Variants in PTPN23 observed in about 807,000 individuals in gnomAD.
The protein encoded by PTPN23 is tyrosine-protein phosphatase non-receptor type 23.
PTPN23 carries 72 observed loss-of-function variants against 156.3 expected under a neutral mutation model. The ratio of observed to expected loss-of-function variants is 0.46; its 90% CI spans 0.38 to 0.56. The LOEUF is 0.56. PTPN23 is among the 20% of genes least tolerant of loss of function. The pLI is 0.00. For missense variants in PTPN23, 1,974 were observed against 2,171.5 expected (o/e 0.91, Z 1.81); for synonymous variants, 957 against 899.6 (o/e 1.06, Z -1.14).
In PTPN23 at chr3:47,410,189, G is replaced by C. The variant is rs781484458; in HGVS notation, c.2391G>C (p.Ser797=). The change falls in exon 20 of 25, where the codon TCG becomes TCC. Residue 797 remains serine (S), a synonymous_variant. Transcript: ENST00000265562. ...GCCCCTTGCCCCCTGGTACCTACTCGGGCCCCACCCAGCTGATACAGCCCA... is the reference window on the plus strand; with the variant it reads ...GCCCCTTGCCCCCTGGTACCTACTCCGGCCCCACCCAGCTGATACAGCCCA... ...LSGPLPPGTY[S]GPTQLIQPRA... 6.2e-7 allele frequency: 1 copy of C among 1,603,704 alleles called. No individual in the cohort carries two copies. The highest frequency in any genetic ancestry group is 1.3e-5 in the African/African-American group (1 of 74,590).
rs1415479942 is a variant in PTPN23, at chr3:47,410,004, G to A, written c.2206G>A (p.Val736Met). The A allele has an allele frequency of 1.2e-6, 2 of 1,605,886 alleles. No individual in the cohort carries two copies. The highest frequency in any genetic ancestry group is 2.2e-5 in the East Asian group (1 of 44,772). ...LLPRREESEA[V>M]EAGDPPEELR... ...GCCCCGCAGGGAGGAGAGTGAGGCA[G>A]TGGAAGCAGGAGACCCCCCTGAGGA... Residue 736 changes from valine (V) to methionine (M), a missense_variant, in exon 20 of 25, where the codon GTG becomes ATG. Val to Met is a conservative substitution (Grantham distance 21). This residue lies in a region of PTPN23 where 731 missense variants were observed against 669.1 expected (regional missense o/e 1.09). Coordinates refer to ENST00000265562, the MANE Select transcript of PTPN23 (RefSeq NM_015466.4).
chr3:47,390,441 G>A (rs1339329127), intron 1 of PTPN23, among the ~76,000 whole-genome samples: 1 of 152,136 alleles, frequency 6.6e-6, no homozygotes, highest in Admixed American at 6.5e-5. Flanking sequence ...GTTTTTGGAG[G>A]TTCTCTGGTC....
In PTPN23 at chr3:47,404,896, C is replaced by A. The variant is rs569567334; in HGVS notation, c.288-109C>A. 69 of 1,569,130 alleles carry A rather than the reference C, an allele frequency of 4.4e-5. No individual in the cohort carries two copies. In the African/African-American group the frequency reaches 7.9e-4, roughly 18 times the overall value. ...AGGATGGGGAATGGCCTCATATGGT[C>A]CCCCCAGGCCTCCCCACATCCCCAC... is the stretch of plus-strand genomic sequence containing the variant. On this transcript the variant is annotated intron_variant, in intron 3 of 24. Coordinates refer to ENST00000265562, the MANE Select transcript of PTPN23 (RefSeq NM_015466.4).
intron 1 of PTPN23, among the ~76,000 whole-genome samples, chr3:47,390,970 C>T (rs1704761308): frequency 6.6e-6 from 1 of 152,012 alleles, no homozygotes; most frequent in Non-Finnish European, 1.5e-5. Flanking sequence ...AAAGTTTGGG[C>T]GTGATGGCTC....
chr3:47,409,697 CTA>C lies in PTPN23; in HGVS notation c.1994_1995del (p.Tyr665Ter). 6.2e-7 allele frequency: 1 copy of C among 1,609,396 alleles called. No homozygotes were observed. The stretch of plus-strand genomic sequence containing the variant: ...AGACCCTGGTGGCCTCGTATGAAGC[CTA>C]TGAGGACCTGATGAAGAAGTCGCAG... ...LQTLVASYEA[Y>X]EDLMKKSQEG... is the part of the protein sequence containing the mutation. On this transcript the variant is annotated frameshift_variant, in exon 19 of 25. Coordinates refer to ENST00000265562, the MANE Select transcript of PTPN23 (RefSeq NM_015466.4). LOFTEE classifies it high-confidence loss of function.
intron 1 of PTPN23, 146 bp from the exon 2 acceptor site, chr3:47,395,997 G>A: frequency 1.8e-6 from 1 of 551,400 alleles, no homozygotes; most frequent in South Asian, 2.2e-5. Context: ...GCCTGTTCAG[G>A]AGGCGAAGTT....
chr3:47,412,987 G>GCCC lies in PTPN23; in HGVS notation c.4717_4719dup (p.Pro1573dup), dbSNP rs746622737. On this transcript the variant is annotated inframe_insertion, in exon 25 of 25. Coordinates refer to ENST00000265562, the MANE Select transcript of PTPN23 (RefSeq NM_015466.4). ...CAGTGCCTGAAGCCCCCAGCTCGGG[G>GCCC]CCCCCCTCCTCCTCCCTGGAATTGC... is the stretch of plus-strand genomic sequence containing the variant. 1.4e-5 allele frequency: 22 copies of GCCC among 1,611,296 alleles called. No homozygotes were observed. Among genetic ancestry groups the GCCC allele is most frequent in the Middle Eastern group, 1.6e-4 (1 of 6,074 alleles).
At chr3:47,401,197 G>A (rs1055012206) in intron 2 of PTPN23, among the ~76,000 whole-genome samples, 13 of 151,188 alleles carry the variant, frequency 8.6e-5, no homozygotes, top group African/African-American at 2.9e-4. Context: ...CACTGCGTCC[G>A]GCCTTTTATT....
At chr3:47,399,592 A>G (rs1281704698) in intron 2 of PTPN23, among the ~76,000 whole-genome samples, 1 of 152,218 alleles carries the variant, frequency 6.6e-6, no homozygotes, top group Non-Finnish European at 1.5e-5. Flanking sequence ...CCAATCTCCA[A>G]AGCATCCTCT....
At chr3:47,382,551 C>A (rs1203291437) in intron 1 of PTPN23, among the ~76,000 whole-genome samples, 1 of 151,968 alleles carries the variant, frequency 6.6e-6, no homozygotes, top group African/African-American at 2.4e-5. Context: ...GAACTCCTGA[C>A]ATCAGGTGAT....
At position 47,406,621 on chromosome 3, in the gene PTPN23, C is replaced by T. The variant is rs758070272; in HGVS notation, c.759+9C>T. ...TCGCAGCCGTGGCTCATGTGAGGGC[C>T]TGGGGCCCCAGGGCGGGGCAGGGCG... is the stretch of plus-strand genomic sequence containing the variant. On this transcript the variant is annotated intron_variant, in intron 8 of 24. Transcript: ENST00000265562. This position sits in a 1 kb window ranked among gnomAD's most constrained non-coding sequence, Gnocchi z 5.8. 3 of 1,613,860 alleles carry T rather than the reference C, an allele frequency of 1.9e-6. No individual in the cohort carries two copies.
In PTPN23 at chr3:47,412,364, G is replaced by A. The variant is rs755994246; in HGVS notation, c.4260G>A (p.Glu1420=). Reference sequence around the variant, plus strand: ...TGGAGGCTGGGAACGGAATCCCTGAGCTGCCTCAGCTGGTGCGGCGCATGC... The same window carrying A: ...TGGAGGCTGGGAACGGAATCCCTGAACTGCCTCAGCTGGTGCGGCGCATGC... ...QEVEAGNGIP[E]LPQLVRRMRQ... Residue 1420 remains glutamate, a synonymous_variant, in exon 23 of 25, where the codon GAG becomes GAA. Transcript: ENST00000265562. 2.5e-6 allele frequency: 4 copies of A among 1,613,106 alleles called. No individual in the cohort carries two copies. In the East Asian group the frequency reaches 8.9e-5, roughly 36 times the overall value.
intron 2 of PTPN23, among the ~76,000 whole-genome samples, chr3:47,399,988 T>C (rs1469619681): frequency 6.6e-6 from 1 of 152,120 alleles, no homozygotes; most frequent in Non-Finnish European, 1.5e-5. Context: ...ATTTTTGTAT[T>C]TTTTGTAGAC....
At position 47,411,783 on chromosome 3, in the gene PTPN23, C is replaced by CA; in HGVS notation, c.3894dup (p.Val1299SerfsTer59). 1 of 1,602,328 alleles carries CA rather than the reference C, an allele frequency of 6.2e-7. No individual in the cohort carries two copies. Among genetic ancestry groups the CA allele is most frequent in the East Asian group, 2.2e-5 (1 of 44,700 alleles). ...CTGTCTTGGCTTATCTGTCCCTCAG[C>CA]AAAAAGTGGCACGCTACTTCCCCAC... On this transcript the variant is annotated frameshift_variant and splice_region_variant, in exon 21 of 25. Transcript: ENST00000265562. LOFTEE classifies it high-confidence loss of function. The surrounding 1 kb of genome is among the most constrained non-coding windows in gnomAD (Gnocchi z 6.3).
chr3:47,407,693 C>T lies in PTPN23; in HGVS notation c.1004-4C>T, dbSNP rs200658102. On this transcript the variant is annotated splice_region_variant and splice_polypyrimidine_tract_variant and intron_variant, in intron 12 of 24. Transcript: ENST00000265562. The surrounding 1 kb of genome is among the most constrained non-coding windows in gnomAD (Gnocchi z 4.0). ...CCTGATCTCCACAATTCCCACCCCC[C>T]CAGGAGCCCCCTTGGTGAAGCCCTT... 11 of 1,612,780 alleles carry T rather than the reference C, an allele frequency of 6.8e-6. No homozygotes were observed. Among genetic ancestry groups the T allele is most frequent in the African/African-American group, 2.7e-5 (2 of 74,862 alleles).
At position 47,406,831 on chromosome 3, in the gene PTPN23, A is replaced by AG; in HGVS notation, c.807+86dup. Reference sequence around the variant, plus strand: ...GGTGTGCTCCCGCTCCTTACACACCAGGGGGTGGCCTTCTCTGTCTCACCC... The same window carrying AG: ...GGTGTGCTCCCGCTCCTTACACACCAGGGGGGTGGCCTTCTCTGTCTCACCC... On this transcript the variant is annotated intron_variant, in intron 9 of 24. Coordinates refer to ENST00000265562, the MANE Select transcript of PTPN23 (RefSeq NM_015466.4). This position sits in a 1 kb window ranked among gnomAD's most constrained non-coding sequence, Gnocchi z 5.8. 1 of 1,552,692 alleles carries AG rather than the reference A, an allele frequency of 6.4e-7. No individual in the cohort carries two copies. Among genetic ancestry groups the AG allele is most frequent in the Non-Finnish European group, 8.8e-7 (1 of 1,137,688 alleles).
In PTPN23 at chr3:47,410,896, C is replaced by A. The variant is rs754716372; in HGVS notation, c.3098C>A (p.Ala1033Asp). 1 of 1,611,410 alleles carries A rather than the reference C, an allele frequency of 6.2e-7. No individual in the cohort carries two copies. The highest frequency in any genetic ancestry group is 8.5e-7 in the Non-Finnish European group (1 of 1,178,816). The stretch of plus-strand genomic sequence containing the variant: ...GACCCTCTGCCAGCCCACTCAGGGG[C>A]TCTGCCTTTCCCCAGCCCTGGGCCC... ...AQDPLPAHSG[A>D]LPFPSPGPPQ... is the part of the protein sequence containing the mutation. Residue 1033 changes from alanine (A) to aspartate (D), a missense_variant, in exon 20 of 25, where the codon GCT becomes GAT. Ala to Asp is a moderately radical substitution (Grantham distance 126). Around this residue, in one of 4 missense-constraint regions of PTPN23, gnomAD observed 731 missense variants for 669.1 expected, o/e 1.09. Transcript: ENST00000265562.
intron 1 of PTPN23, among the ~76,000 whole-genome samples, chr3:47,392,069 A>G (rs1248310211): frequency 6.6e-6 from 1 of 152,142 alleles, no homozygotes; most frequent in African/African-American, 2.4e-5. Context: ...TGCTTTTTGT[A>G]GAAATGGGGT....
chr3:47,405,489 C>A lies in PTPN23; in HGVS notation c.365-260C>A. The A allele has an allele frequency of 1.8e-6, 1 of 560,672 alleles. No individual in the cohort carries two copies. The highest frequency in any genetic ancestry group is 2.1e-5 in the South Asian group (1 of 47,704). The allele number at this position is 560,672 out of a possible 1,614,324, so 34.7% of individuals were successfully genotyped here. A position where few individuals can be genotyped will look rare whatever the true frequency, so the allele number is the denominator to read the frequency against. ...GCTTGGGGAGCCCCAGAGTTCTGTG[C>A]AAACATCCCTGAAGCTTCAAGATTG... On this transcript the variant is annotated intron_variant, in intron 4 of 24. Coordinates refer to ENST00000265562, the MANE Select transcript of PTPN23 (RefSeq NM_015466.4). The surrounding 1 kb of genome is among the most constrained non-coding windows in gnomAD (Gnocchi z 4.7).
Sources: gnomAD v4.1 joint callset for allele counts (sites outside exome capture counted in the v4.1 genomes callset) on GRCh38, gnomAD v4.1.1 for gene constraint, gnomAD v4.1.1 regional missense constraint, Gnocchi (gnomAD v3.1) non-coding constraint, MANE v1.5 for transcripts, NCBI Gene and HGNC (gene_info 2026-07-23, HGNC 2026-07-21) for gene names.